SLC5A4: variants seen among roughly 807,000 people sequenced by gnomAD.
SLC5A4 encodes the protein probable glucose sensor protein SLC5A4.
A neutral mutation model predicts 70.3 loss-of-function variants in SLC5A4; 55 were observed. The ratio of observed to expected loss-of-function variants is 0.78; its 90% confidence interval spans 0.63 to 0.98. The LOEUF (loss-of-function observed/expected upper bound fraction) is 0.98, where lower values mean the gene tolerates loss of function less well. SLC5A4 is among the 50% of genes least tolerant of loss of function. The pLI, the probability that SLC5A4 is intolerant of heterozygous loss-of-function variation, is 0.00. For synonymous variants in SLC5A4, 268 were observed against 305.7 expected, an observed-to-expected ratio of 0.88 and a Z score of 1.29; for missense variants, 735 against 839.2, an observed-to-expected ratio of 0.88 and a Z score of 1.53.
At chr22:32,333,681 G>A in the SLC5A4 span, among the ~76,000 whole-genome samples, 2 of 151,926 alleles carry the variant, frequency 1.3e-5, no homozygotes, top group Non-Finnish European at 2.9e-5. Context: ...CCTGATGCTG[G>A]GGCTGCTTCC....
In SLC5A4 at chr22:32,218,676, G is replaced by A. The variant is rs139155459; in HGVS notation, c.1818C>T (p.Phe606=). 2 of 1,613,980 alleles carry A rather than the reference G, an allele frequency of 1.2e-6. No individual in the cohort carries two copies. Among genetic ancestry groups the A allele is most frequent in the African/African-American group, 1.3e-5 (1 of 74,972 alleles). ...GCTTGGGTCCCTTCTGCAAACCGCA[G>A]AACAAGTCATAAGCTTTCTTGAGGC... ...RGCLKKAYDL[F]CGLQKGPKLT... Residue 606 remains phenylalanine, a synonymous_variant, in exon 15 of 15, where the codon TTC becomes TTT. Transcript: ENST00000266086.
chr22:32,307,340 G>A, the SLC5A4 span, among the ~76,000 whole-genome samples: 1 of 152,186 alleles, frequency 6.6e-6, no homozygotes, highest in African/African-American at 2.4e-5. Flanking sequence ...TAGAAACTGG[G>A]GTGGTGGGAG....
the SLC5A4 span, among the ~76,000 whole-genome samples, chr22:32,302,068 G>A: frequency 1.3e-5 from 2 of 152,140 alleles, no homozygotes; most frequent in Non-Finnish European, 2.9e-5. Context: ...CATGACTTTG[G>A]ATTAGGCAAT....
the SLC5A4 span, among the ~76,000 whole-genome samples, chr22:32,334,533 G>A: frequency 1.3e-5 from 2 of 152,208 alleles, no homozygotes; most frequent in Admixed American, 6.5e-5. Context: ...CCTGCTGGTT[G>A]GCTGCTGTGA....
the SLC5A4 span, among the ~76,000 whole-genome samples, chr22:32,273,737 T>C: frequency 6.6e-6 from 1 of 152,178 alleles, no homozygotes; most frequent in African/African-American, 2.4e-5. Context: ...TTCAACTACC[T>C]AACTCTACAG....
chr22:32,305,408 T>G, the SLC5A4 span, among the ~76,000 whole-genome samples: 23,670 of 145,988 alleles, frequency 0.16, 3,312 homozygotes, highest in East Asian at 0.35. Context: ...CCAGGAAAGA[T>G]ATATTTAACA....
intron 5 of SLC5A4, among the ~76,000 whole-genome samples, chr22:32,239,548 A>T (rs1370253497): frequency 1.3e-4 from 2 of 15,234 alleles, no homozygotes; most frequent in Non-Finnish European, 2.3e-4. Context: ...ATATATATAT[A>T]TATATATATA....
At position 32,254,126 on chromosome 22, in the gene SLC5A4, A is replaced by G; in HGVS notation, c.207+16T>C. 6.2e-7 allele frequency: 1 copy of G among 1,605,980 alleles called. No individual in the cohort carries two copies. Among genetic ancestry groups the G allele is most frequent in the Non-Finnish European group, 8.5e-7 (1 of 1,172,678 alleles). The stretch of plus-strand genomic sequence containing the variant: ...CACACAGGAAATTTATCTCCAGAAA[A>G]CTTCGATCCACTTACCGGCCACCAG... On this transcript the variant is annotated intron_variant, in intron 2 of 14. Transcript: ENST00000266086.
the SLC5A4 span, among the ~76,000 whole-genome samples, chr22:32,323,341 G>A: frequency 2.6e-5 from 4 of 152,198 alleles, no homozygotes; most frequent in African/African-American, 7.2e-5. Context: ...TAAGTCAGGA[G>A]CCTGTATGTT....
chr22:32,314,103 CAAG>C, the SLC5A4 span, among the ~76,000 whole-genome samples: 2 of 152,100 alleles, frequency 1.3e-5, no homozygotes, highest in Non-Finnish European at 2.9e-5. Flanking sequence ...AGAGATACGC[CAAG>C]AAGGAGAACC....
At chr22:32,311,129 C>T in the SLC5A4 span, among the ~76,000 whole-genome samples, 1 of 152,224 alleles carries the variant, frequency 6.6e-6, no homozygotes, top group Non-Finnish European at 1.5e-5. Context: ...CCCAGACCAC[C>T]CCAGGTCCAC....
At chr22:32,262,747 C>T in the SLC5A4 span, among the ~76,000 whole-genome samples, 19 of 152,046 alleles carry the variant, frequency 1.2e-4, no homozygotes, top group South Asian at 2.1e-4. Context: ...AATAAAAGTG[C>T]GTACATCACT....
At chr22:32,326,095 T>C in the SLC5A4 span, among the ~76,000 whole-genome samples, 1 of 152,198 alleles carries the variant, frequency 6.6e-6, no homozygotes, top group Non-Finnish European at 1.5e-5. Flanking sequence ...GCTTCCAGAA[T>C]GCAGACCCTC....
At chr22:32,269,839 T>C in the SLC5A4 span, 2 of 641,634 alleles carry the variant, frequency 3.1e-6, no homozygotes, top group Non-Finnish European at 6.0e-6. The surrounding 1 kb of genome is among the most constrained non-coding windows in gnomAD (Gnocchi z 4.1). Context: ...GGCAGTCAGA[T>C]CTACATGCTG....
rs1163754368 is a variant in SLC5A4, at chr22:32,224,553, T to C, written c.1450-71A>G. On this transcript the variant is annotated intron_variant, in intron 12 of 14. Transcript: ENST00000266086. ...GAAGCTTATTCAAGTAAGTCATCAT[T>C]ATAATCCTGCCTGCTTTCTCAGTTA... 4.1e-6 allele frequency: 5 copies of C among 1,232,162 alleles called. No homozygotes were observed. The Admixed American group carries it at 9.2e-5, about 23-fold the overall frequency. 76.3% of individuals were successfully genotyped at this position (1,232,162 alleles called of 1,614,324 possible). A position where few individuals can be genotyped will look rare whatever the true frequency, so the allele number is the denominator to read the frequency against.
the SLC5A4 span, among the ~76,000 whole-genome samples, chr22:32,298,231 T>G: frequency 7.3e-6 from 1 of 137,640 alleles, no homozygotes; most frequent in Non-Finnish European, 1.6e-5. Context: ...GTCTCGTTGA[T>G]CTGTCTAATG....
the SLC5A4 span, chr22:32,271,204 T>G: frequency 0.62 from 463,694 of 749,690 alleles, 150,418 homozygotes; most frequent in East Asian, 0.8. Flanking sequence ...GCTCCCCGAC[T>G]GGCGGCTGGT....
At chr22:32,353,068 C>T in the SLC5A4 span, among the ~76,000 whole-genome samples, 1 of 152,332 alleles carries the variant, frequency 6.6e-6, no homozygotes, top group South Asian at 2.1e-4. Flanking sequence ...GGCATGCTGG[C>T]CACTGGATGG....
the SLC5A4 span, among the ~76,000 whole-genome samples, chr22:32,302,831 T>C: frequency 6.6e-6 from 1 of 152,216 alleles, no homozygotes; most frequent in African/African-American, 2.4e-5. Flanking sequence ...CTGTATAAAT[T>C]TTAGAATAAT....
Sources: allele counts gnomAD v4.1 joint callset (sites outside exome capture counted in the v4.1 genomes callset), GRCh38; gene constraint gnomAD v4.1.1; non-coding constraint Gnocchi (gnomAD v3.1); transcripts MANE v1.5; gene names NCBI Gene and HGNC (gene_info 2026-07-23, HGNC 2026-07-21).